The following POMT2 variants were observed in gnomAD, a reference collection of about 807,000 sequenced individuals.
POMT2 encodes the protein protein O-mannosyl-transferase 2.
POMT2 carries 75 observed loss-of-function variants against 100.0 expected under a neutral mutation model. The observed-to-expected ratio is 0.75, with a 90% CI of 0.62 to 0.91. POMT2 has a LOEUF of 0.91. Ranked by LOEUF, POMT2 falls within the 40% of genes least tolerant of loss-of-function variation. The probability of loss-of-function intolerance (pLI) is 0.00; values close to 1 mark genes in which losing one functional copy is unlikely to be tolerated. For synonymous variants in POMT2, 378 were observed against 374.1 expected, an observed-to-expected ratio of 1.01 and a Z score of -0.12; for missense variants, 940 against 955.1, an observed-to-expected ratio of 0.98 and a Z score of 0.21.
chr14:77,301,068 C>A (rs1386555822), intron 6 of POMT2, 22 bp downstream of exon 6: 1 of 1,613,842 alleles, frequency 6.2e-7, no homozygotes. Context: ...AACATTTCCA[C>A]AGCAAACCCT....
At chr14:77,293,685 G>A (rs1325574483) in intron 9 of POMT2, among the ~76,000 whole-genome samples, 3 of 152,218 alleles carry the variant, frequency 2.0e-5, no homozygotes, top group Non-Finnish European at 2.9e-5. Context: ...GAAACAGGAT[G>A]AAAGGCTAAA....
intron 13 of POMT2, 32 bp from the exon 14 acceptor site, chr14:77,285,073 A>C (rs1251304108): frequency 4.5e-6 from 7 of 1,538,886 alleles, no homozygotes; most frequent in Admixed American, 3.4e-5. Flanking sequence ...GATGTCTCTC[A>C]GAAGACGTGA....
intron 11 of POMT2, chr14:77,287,865 C>CCA (rs1890492331): frequency 6.6e-6 from 1 of 152,032 alleles, no homozygotes; most frequent in South Asian, 2.1e-4. Context: ...CTGAGATCAC[C>CCA]CAGGCAACAT....
intron 3 of POMT2, 174 bp downstream of exon 3, chr14:77,306,163 C>A: frequency 8.9e-7 from 1 of 1,124,848 alleles, no homozygotes; most frequent in Non-Finnish European, 1.3e-6. Context: ...TTCTTCCTCA[C>A]CTCAGTTCTG....
At chr14:77,320,271 G>C in intron 1 of POMT2, 163 bp downstream of exon 1, 1 of 1,210,482 alleles carries the variant, frequency 8.3e-7, no homozygotes, top group Admixed American at 2.0e-5. Context: ...CCCCCTCCCA[G>C]AGAATGCACC....
chr14:77,291,623 T>G (rs1890644695), intron 9 of POMT2: 1 of 610,992 alleles, frequency 1.6e-6, no homozygotes, highest in African/African-American at 1.8e-5. Context: ...TTTGTTTCTT[T>G]GTATCTTTCT....
Position 77,320,852 on chromosome 14 carries a change from G to C in POMT2, c.-171C>G. On this transcript the variant is annotated 5_prime_UTR_variant, in exon 1 of 21. Transcript: ENST00000261534. ...GGGGCGGGGCGGGCAGCGTGGTCGC[G>C]GCCCGGGCCGCTAGGAGGCGGCAGG... 7.6e-7 allele frequency: 1 copy of C among 1,308,084 alleles called. No individual in the cohort carries two copies. The highest frequency in any genetic ancestry group is 9.8e-7 in the Non-Finnish European group (1 of 1,019,056). The allele number at this position is 1,308,084 out of a possible 1,614,324, so 81.0% of individuals were successfully genotyped here. A position where few individuals can be genotyped will look rare whatever the true frequency, so the allele number is the denominator to read the frequency against.
chr14:77,281,147 C>T (rs1340042984), intron 15 of POMT2, among the ~76,000 whole-genome samples: 1 of 144,032 alleles, frequency 6.9e-6, no homozygotes, highest in African/African-American at 2.5e-5. Context: ...AATAATAAGG[C>T]TTACTTATTT....
chr14:77,319,148 G>A (rs1891737671), intron 1 of POMT2, among the ~76,000 whole-genome samples: 1 of 152,306 alleles, frequency 6.6e-6, no homozygotes, highest in Non-Finnish European at 1.5e-5. Context: ...GGTCACAGTG[G>A]TTAATAGACT....
intron 15 of POMT2, among the ~76,000 whole-genome samples, 170 bp downstream of exon 15, chr14:77,283,627 T>G (rs1229038719): frequency 6.6e-6 from 1 of 152,226 alleles, no homozygotes; most frequent in African/African-American, 2.4e-5. Flanking sequence ...ACCATCCTCA[T>G]TCTGTGGTGA....
chr14:77,284,677 C>G (rs1005432531), intron 14 of POMT2, among the ~76,000 whole-genome samples: 1 of 152,014 alleles, frequency 6.6e-6, no homozygotes, highest in Non-Finnish European at 1.5e-5. Flanking sequence ...GCCCATGGTG[C>G]AGGGGAGAGA....
At chr14:77,304,596 C>T (rs1281641681) in intron 4 of POMT2, 96 bp downstream of exon 4, 16 of 1,529,096 alleles carry the variant, frequency 1.0e-5, no homozygotes, top group Non-Finnish European at 1.3e-5. Flanking sequence ...TTGAACTGGA[C>T]CCACATATAG....
Position 77,302,620 on chromosome 14 carries a change from T to C in POMT2, c.656+215A>G, listed in dbSNP as rs140260743. 6.9e-3 allele frequency among the ~76,000 whole-genome samples: 1,058 copies of C among 152,352 alleles called. 10 individuals carry two copies. Among genetic ancestry groups the C allele is most frequent in the African/African-American group, 0.021 (888 of 41,580 alleles). ...ACTGACATTTTCTCGGTCTTGAATA[T>C]GGCAAAAATAAAATCACCTGTAGAA... On this transcript the variant is annotated intron_variant, in intron 5 of 20. Coordinates refer to ENST00000261534, the MANE Select transcript of POMT2 (RefSeq NM_013382.7).
chr14:77,314,994 G>T (rs1322118403), intron 1 of POMT2, among the ~76,000 whole-genome samples: 1 of 152,172 alleles, frequency 6.6e-6, no homozygotes, highest in Non-Finnish European at 1.5e-5. Flanking sequence ...AGACTGAGAT[G>T]ATTAAAGGTT....
chr14:77,296,546 C>A (rs541404496), intron 8 of POMT2: 4 of 465,146 alleles, frequency 8.6e-6, no homozygotes, highest in East Asian at 3.9e-5. Context: ...CAGCAAAAGA[C>A]GAAAAACAAC....
chr14:77,287,477 T>A (rs1276066869), intron 11 of POMT2: 2 of 150,326 alleles, frequency 1.3e-5, no homozygotes, highest in Non-Finnish European at 2.9e-5. Flanking sequence ...TCCAGCTGAC[T>A]CAAAAAAAAA....
intron 10 of POMT2, among the ~76,000 whole-genome samples, chr14:77,289,702 TTG>T (rs1890572556): frequency 6.6e-6 from 1 of 152,186 alleles, no homozygotes; most frequent in Non-Finnish European, 1.5e-5. Flanking sequence ...AGCGAGTATC[TTG>T]TCTCTGGCAA....
intron 9 of POMT2, among the ~76,000 whole-genome samples, chr14:77,292,697 T>A (rs1890680177): frequency 6.6e-6 from 1 of 152,212 alleles, no homozygotes; most frequent in African/African-American, 2.4e-5. Context: ...GGTTGCCCCA[T>A]AAGATTATAA....
rs199508355 is a variant in POMT2, at chr14:77,277,611, TTGTC to T, written c.2148-134_2148-131del. The T allele has an allele frequency of 7.8e-5, 61 of 778,736 alleles. No individual in the cohort carries two copies. The East Asian group carries it at 1.6e-3, about 20-fold the overall frequency. The allele number at this position is 778,736 out of a possible 1,614,324, so 48.2% of individuals were successfully genotyped here. On this transcript the variant is annotated intron_variant, in intron 20 of 20. Coordinates refer to ENST00000261534, the MANE Select transcript of POMT2 (RefSeq NM_013382.7). ...CCAAGCCCGGTTCTCTTTCACGGCC[TTGTC>T]TGTCTGAGTCCCACTGGGGCACACT...
Sources: gnomAD v4.1 joint callset for allele counts (sites outside exome capture counted in the v4.1 genomes callset) on GRCh38, gnomAD v4.1.1 for gene constraint, MANE v1.5 for transcripts, NCBI Gene and HGNC (gene_info 2026-07-23, HGNC 2026-07-21) for gene names.